ADRA1A: variants seen among roughly 807,000 people sequenced by gnomAD.
The protein encoded by ADRA1A is adrenoceptor alpha 1A.
ADRA1A carries 31 observed loss-of-function variants against 29.6 expected under a neutral mutation model. The ratio of observed to expected loss-of-function variants is 1.05; its 90% CI spans 0.79 to 1.41. ADRA1A has a LOEUF of 1.41. Among genes scored for constraint, ADRA1A ranks in the 40% most tolerant of loss-of-function variants. The pLI is 0.00. For synonymous variants in ADRA1A, 311 were observed against 254.3 expected, an observed-to-expected ratio of 1.22 and a Z score of -2.12; for missense variants, 619 against 601.1, an observed-to-expected ratio of 1.03 and a Z score of -0.31.
At chr8:26,756,887 C>A in intron 2 of ADRA1A, 1 of 1,496,424 alleles carries the variant, frequency 6.7e-7, no homozygotes, top group South Asian at 1.3e-5. Context: ...AGTAAGAATT[C>A]TTACTCCAAA....
intron 2 of ADRA1A, among the ~76,000 whole-genome samples, chr8:26,826,266 G>C (rs1008526865): frequency 7.2e-5 from 11 of 152,154 alleles, no homozygotes; most frequent in Non-Finnish European, 4.4e-5. Context: ...GGGTGTTTCT[G>C]ACTGGCAAGC....
At chr8:26,768,156 C>T (rs1312513770), downstream of ADRA1A, among the ~76,000 whole-genome samples, 1 of 152,140 alleles carries the variant, frequency 6.6e-6, no homozygotes, top group East Asian at 1.9e-4. Context: ...CACATGCAAA[C>T]ATACCCTCCA....
intron 2 of ADRA1A, among the ~76,000 whole-genome samples, chr8:26,776,358 AC>A (rs1200272691): frequency 1.3e-5 from 2 of 151,982 alleles, no homozygotes; most frequent in African/African-American, 4.8e-5. Flanking sequence ...GCTTCATTTT[AC>A]CCCCTGGAAA....
At position 26,770,668 on chromosome 8, in the gene ADRA1A, T is replaced by A; in HGVS notation, c.884-2A>T. 1 of 1,606,176 alleles carries A rather than the reference T, an allele frequency of 6.2e-7. No homozygotes were observed. ...GCTTGAAATCAGGGAAGAAAGACCC[T>A]GGAAGAAAACACACAGATTTATACA... is the stretch of plus-strand genomic sequence containing the variant. On this transcript the variant is annotated splice_acceptor_variant, in intron 2 of 2. Coordinates refer to ENST00000380573, the MANE Select transcript of ADRA1A (RefSeq NM_000680.4). LOFTEE classifies it high-confidence loss of function.
chr8:26,790,275 CT>C (rs1488002350), intron 2 of ADRA1A, among the ~76,000 whole-genome samples: 8 of 152,108 alleles, frequency 5.3e-5, no homozygotes, highest in Admixed American at 5.2e-4. Flanking sequence ...CTACTCAGCC[CT>C]AAAAAAGAAT....
chr8:26,777,608 T>C (rs1460954432), intron 2 of ADRA1A, among the ~76,000 whole-genome samples: 1 of 152,238 alleles, frequency 6.6e-6, no homozygotes, highest in Non-Finnish European at 1.5e-5. Flanking sequence ...TTCATGTATC[T>C]GAGTAAAGTC....
In ADRA1A at chr8:26,793,848, C is replaced by A. The variant is rs181039174; in HGVS notation, c.884-23182G>T. 1.1e-4 allele frequency among the ~76,000 whole-genome samples: 16 copies of A among 151,984 alleles called. No individual in the cohort carries two copies. The East Asian group carries it at 2.7e-3, about 26-fold the overall frequency. On this transcript the variant is annotated intron_variant, in intron 2 of 2. Transcript: ENST00000380573. The stretch of plus-strand genomic sequence containing the variant: ...TGGATCCAAATAATTTATATTCATG[C>A]TATATAAGTATTTTCAGAGTCTTTA...
At chr8:26,847,996 T>G (rs1812338501) in intron 2 of ADRA1A, among the ~76,000 whole-genome samples, 1 of 152,202 alleles carries the variant, frequency 6.6e-6, no homozygotes, top group Non-Finnish European at 1.5e-5. Flanking sequence ...CTGAGAAGTT[T>G]GAAAGCCACT....
At chr8:26,826,217 T>C (rs898653902) in intron 2 of ADRA1A, among the ~76,000 whole-genome samples, 6 of 152,218 alleles carry the variant, frequency 3.9e-5, no homozygotes, top group Non-Finnish European at 8.8e-5. Flanking sequence ...AATGAAAGTC[T>C]CATGAGTGAT....
rs998354293 is a variant in ADRA1A, at chr8:26,760,010, G to A, written c.1270-3231C>T. On this transcript the variant is annotated intron_variant, in intron 2 of 2. Coordinates refer to the ADRA1A transcript ENST00000380582. ...AACCAGATATACTTGCAACCTGAGA[G>A]TCCCCAGGGAGGAAGGAGGTGGATA... 2.6e-5 allele frequency among the ~76,000 whole-genome samples: 4 copies of A among 152,304 alleles called. No homozygotes were observed. In the East Asian group the frequency reaches 7.7e-4, roughly 29 times the overall value.
At chr8:26,811,865 A>G (rs1036622719) in intron 2 of ADRA1A, among the ~76,000 whole-genome samples, 2 of 152,166 alleles carry the variant, frequency 1.3e-5, no homozygotes, top group Non-Finnish European at 2.9e-5. Flanking sequence ...TTTACTCAGC[A>G]TTACCTCTGC....
intron 2 of ADRA1A, among the ~76,000 whole-genome samples, chr8:26,795,202 G>A (rs1808110374): frequency 6.6e-6 from 1 of 151,996 alleles, no homozygotes; most frequent in Non-Finnish European, 1.5e-5. Flanking sequence ...CTGGTCAGGT[G>A]GCCACAAGAG....
intron 2 of ADRA1A, among the ~76,000 whole-genome samples, chr8:26,826,091 C>A (rs1374859914): frequency 1.3e-5 from 2 of 152,214 alleles, no homozygotes; most frequent in Non-Finnish European, 2.9e-5. Flanking sequence ...GTACTTCCTG[C>A]CCCTCAAAGC....
chr8:26,834,512 T>G (rs563831030), intron 2 of ADRA1A, among the ~76,000 whole-genome samples: 2 of 152,376 alleles, frequency 1.3e-5, no homozygotes, highest in African/African-American at 4.8e-5. Context: ...ATCTGCTGAT[T>G]ATTCAGCCAT....
chr8:26,754,977 TTTG>T (rs550583851), downstream of ADRA1A, among the ~76,000 whole-genome samples: 4 of 152,230 alleles, frequency 2.6e-5, no homozygotes, highest in Admixed American at 1.3e-4. Flanking sequence ...GTTTTTTCTT[TTTG>T]TTGTTGTTGT....
At chr8:26,797,359 C>T (rs939237505) in intron 2 of ADRA1A, among the ~76,000 whole-genome samples, 4 of 151,982 alleles carry the variant, frequency 2.6e-5, no homozygotes. Context: ...TGCAGTGGTG[C>T]GATCACAGTT....
At chr8:26,853,959 C>T (rs747983310) in intron 2 of ADRA1A, 12 of 152,048 alleles carry the variant, frequency 7.9e-5, no homozygotes, top group Admixed American at 5.2e-4. Context: ...AAATATTCCT[C>T]ATCTTTATTC....
In ADRA1A at chr8:26,864,950, T is replaced by C. The variant is rs1439268438; in HGVS notation, c.20A>G (p.Asn7Ser). 6.2e-7 allele frequency: 1 copy of C among 1,607,908 alleles called. No homozygotes were observed. The highest frequency in any genetic ancestry group is 1.7e-5 in the Admixed American group (1 of 59,842). Residue 7 changes from asparagine to serine, a missense_variant, in exon 2 of 3, where the codon AAT (asparagine) becomes AGT (serine). Physicochemically the swap from Asn to Ser is conservative, Grantham distance 46. Transcript: ENST00000380573. This position sits in a 1 kb window ranked among gnomAD's most constrained non-coding sequence, Gnocchi z 8.1. MVFLSGNASDSSNCTQP... is the reference protein window; with the variant it reads MVFLSGSASDSSNCTQP... ...GGTGCAGTTGGAGCTGTCGGAAGCA[T>C]TTCCCGAGAGAAACACCATGGTCCC...
chr8:26,789,446 T>A (rs1446902328), intron 2 of ADRA1A, among the ~76,000 whole-genome samples: 2 of 152,114 alleles, frequency 1.3e-5, no homozygotes, highest in Non-Finnish European at 2.9e-5. Flanking sequence ...GCTGGGAAAA[T>A]TGGATATCCA....
Sources: gnomAD v4.1 joint callset for allele counts (sites outside exome capture counted in the v4.1 genomes callset) on GRCh38, gnomAD v4.1.1 for gene constraint, Gnocchi (gnomAD v3.1) non-coding constraint, MANE v1.5 for transcripts, NCBI Gene and HGNC (gene_info 2026-07-23, HGNC 2026-07-21) for gene names.